The following THADA variants were observed in gnomAD, a reference collection of about 807,000 sequenced individuals.
The protein encoded by THADA is tRNA (32-2'-O)-methyltransferase regulator THADA.
THADA carries 213 observed loss-of-function variants against 219.8 expected under a neutral mutation model. The ratio of observed to expected loss-of-function variants is 0.97; its 90% CI spans 0.87 to 1.09. The LOEUF (loss-of-function observed/expected upper bound fraction) is 1.09. Among genes scored for constraint, THADA ranks in the 50% least tolerant of loss-of-function variants. THADA has a pLI of 0.00. For missense variants in THADA, 2,956 were observed against 2,311.3 expected, an observed-to-expected ratio of 1.28 and a Z score of -5.72; for synonymous variants, 1,018 against 828.9, an observed-to-expected ratio of 1.23 and a Z score of -3.92.
At chr2:43,546,099 A>T (rs1268121303) in intron 20 of THADA, among the ~76,000 whole-genome samples, 1 of 150,170 alleles carries the variant, frequency 6.7e-6, no homozygotes, top group East Asian at 1.9e-4. Context: ...GTTTCAAAGA[A>T]CATCTTTATT....
chr2:43,385,598 C>A (rs1465230924), intron 29 of THADA, among the ~76,000 whole-genome samples: 2 of 127,122 alleles, frequency 1.6e-5, no homozygotes, highest in Non-Finnish European at 1.6e-5. Context: ...CAGAGCGAGA[C>A]TCCGTCTCAA....
intron 29 of THADA, among the ~76,000 whole-genome samples, chr2:43,391,059 C>A (rs1038841583): frequency 6.6e-6 from 1 of 152,012 alleles, no homozygotes; most frequent in Non-Finnish European, 1.5e-5. Context: ...TCGCACAACC[C>A]CTCTTGTTTT....
At chr2:43,245,241 C>T (rs1195768383) in intron 36 of THADA, among the ~76,000 whole-genome samples, 10 of 131,586 alleles carry the variant, frequency 7.6e-5, no homozygotes, top group Admixed American at 5.8e-4. Context: ...GGTGTGATCT[C>T]GGCTCACTGC....
intron 31 of THADA, among the ~76,000 whole-genome samples, chr2:43,299,651 A>G (rs1647746759): frequency 6.6e-6 from 1 of 151,890 alleles, no homozygotes; most frequent in Non-Finnish European, 1.5e-5. Context: ...AACAGAAGAG[A>G]CTCTGTCTCA....
At position 43,384,602 on chromosome 2, in the gene THADA, C is replaced by G. The variant is rs529679556; in HGVS notation, c.4227+13369G>C. Among the ~76,000 whole-genome samples, 4 of 152,306 alleles carry G rather than the reference C, an allele frequency of 2.6e-5. No homozygotes were observed. The East Asian group carries it at 7.7e-4, about 29-fold the overall frequency. ...GTATCTCTGTTCTCTATATGCACAT[C>G]TAAAAATCAGACCTGATGACTATTT... On this transcript the variant is annotated intron_variant, in intron 29 of 37. Transcript: ENST00000405975.
chr2:43,352,567 T>C (rs1224294629), intron 29 of THADA, among the ~76,000 whole-genome samples: 1 of 151,508 alleles, frequency 6.6e-6, no homozygotes, highest in African/African-American at 2.4e-5. Flanking sequence ...AAAATAATAA[T>C]AATAATAAAA....
chr2:43,428,342 T>C (rs1678772967), intron 27 of THADA, 111 bp from the exon 28 acceptor site: 8 of 1,038,802 alleles, frequency 7.7e-6, no homozygotes, highest in Middle Eastern at 2.5e-4. Context: ...GTGCGGTGAC[T>C]AATGCCTGTA....
At chr2:43,548,474 G>A in intron 20 of THADA, among the ~76,000 whole-genome samples, 1 of 152,222 alleles carries the variant, frequency 6.6e-6, no homozygotes, top group East Asian at 1.9e-4. Flanking sequence ...CCCAGAGGTG[G>A]AGCCTACAGA....
intron 22 of THADA, among the ~76,000 whole-genome samples, chr2:43,515,671 A>C (rs1397348505): frequency 6.6e-6 from 1 of 151,812 alleles, no homozygotes; most frequent in African/African-American, 2.4e-5. Context: ...ACCAAACACA[A>C]GTTTCTCACT....
At position 43,586,878 on chromosome 2, in the gene THADA, A is replaced by G; in HGVS notation, c.427T>C (p.Ser143Pro). Residue 143 changes from serine (S) to proline (P), a missense_variant, in exon 5 of 38, where the codon TCC becomes CCC. Ser to Pro is a moderately conservative substitution (Grantham distance 74). Transcript: ENST00000405975. ...SYRKVTDNIS[S>P]CMENFNLGRA... ...CCCAAGTTAAAGTTCTCCATACAGG[A>G]AGAAATATTGTCAGTAACTTTCCTG... is the stretch of plus-strand genomic sequence containing the variant. 1 of 1,613,902 alleles carries G rather than the reference A, an allele frequency of 6.2e-7. No individual in the cohort carries two copies. Among genetic ancestry groups the G allele is most frequent in the South Asian group, 1.1e-5 (1 of 91,070 alleles).
intron 14 of THADA, 27 bp from the exon 15 acceptor site, chr2:43,566,848 A>G: frequency 2.2e-6 from 3 of 1,362,946 alleles, no homozygotes. Context: ...AAATTACAGT[A>G]AGTATAATTA....
intron 28 of THADA, among the ~76,000 whole-genome samples, chr2:43,415,923 T>C (rs764459770): frequency 6.6e-6 from 1 of 152,204 alleles, no homozygotes; most frequent in Non-Finnish European, 1.5e-5. Flanking sequence ...GTTTTCATTC[T>C]GGCTACAAAT....
intron 31 of THADA, among the ~76,000 whole-genome samples, chr2:43,301,026 C>T (rs1572979608): frequency 6.6e-6 from 1 of 152,166 alleles, no homozygotes; most frequent in South Asian, 2.1e-4. Context: ...GATATTAAAA[C>T]CACACATGCC....
chr2:43,274,365 T>C (rs1264248979), intron 36 of THADA, among the ~76,000 whole-genome samples: 1 of 152,142 alleles, frequency 6.6e-6, no homozygotes, highest in South Asian at 2.1e-4. Flanking sequence ...CTGCTTGTTC[T>C]GAAGCTTTCT....
At chr2:43,244,566 G>C (rs921736879) in intron 36 of THADA, among the ~76,000 whole-genome samples, 3 of 152,208 alleles carry the variant, frequency 2.0e-5, no homozygotes, top group Non-Finnish European at 1.5e-5. Context: ...GGCTGTTCTG[G>C]AGCAGGTAAT....
At chr2:43,323,241 A>C (rs1299140238) in intron 30 of THADA, among the ~76,000 whole-genome samples, 1 of 152,062 alleles carries the variant, frequency 6.6e-6, no homozygotes, top group Non-Finnish European at 1.5e-5. Flanking sequence ...TCCTGGGCTC[A>C]AGCAATCCTC....
intron 36 of THADA, among the ~76,000 whole-genome samples, chr2:43,266,441 C>G (rs1367575104): frequency 6.6e-6 from 1 of 151,996 alleles, no homozygotes; most frequent in Non-Finnish European, 1.5e-5. Flanking sequence ...AACAAAAAAA[C>G]AAAAATAAAA....
At chr2:43,504,686 C>T (rs540598813) in intron 24 of THADA, among the ~76,000 whole-genome samples, 1 of 152,284 alleles carries the variant, frequency 6.6e-6, no homozygotes, top group Admixed American at 6.5e-5. Context: ...CGAGACCAAC[C>T]TGGCCAACAG....
chr2:43,556,434 G>C lies in THADA; in HGVS notation c.2585C>G (p.Pro862Arg). The change falls in exon 17 of 38, where the codon CCG (proline) becomes CGG (arginine). Residue 862 changes from proline to arginine, a missense_variant. Pro to Arg is a moderately radical substitution (Grantham distance 103). Transcript: ENST00000405975. ...LNFLIWQDALPSSLSAYLTQQ... is the reference protein window; with the variant it reads ...LNFLIWQDALRSSLSAYLTQQ... The stretch of plus-strand genomic sequence containing the variant: ...AGTTAAGTAGGCAGACAAGGATGAC[G>C]GTAGAGCATCCTGCCAGATTAAGAA... 2 of 1,613,816 alleles carry C rather than the reference G, an allele frequency of 1.2e-6. No homozygotes were observed. Among genetic ancestry groups the C allele is most frequent in the Non-Finnish European group, 1.7e-6 (2 of 1,179,810 alleles).
Sources: allele counts gnomAD v4.1 joint callset (sites outside exome capture counted in the v4.1 genomes callset), GRCh38; gene constraint gnomAD v4.1.1; transcripts MANE v1.5; gene names NCBI Gene and HGNC (gene_info 2026-07-23, HGNC 2026-07-21).